The following PRSS55 variants were observed in gnomAD, a reference collection of about 807,000 sequenced individuals.
PRSS55 encodes the protein serine protease 55.
A neutral mutation model predicts 23.6 loss-of-function variants in PRSS55; 41 were observed. The observed-to-expected ratio is 1.74, with a 90% CI of 1.35 to 2.26. The LOEUF (loss-of-function observed/expected upper bound fraction) is 2.26, where lower values mean the gene tolerates loss of function less well. PRSS55 is among the 30% of genes most tolerant of loss of function. The pLI is 0.00. For synonymous variants in PRSS55, 262 were observed against 175.5 expected (o/e 1.49, Z -3.90); for missense variants, 669 against 439.1 (o/e 1.52, Z -4.68).
chr8:10,535,113 A>C (rs1028108224), intron 4 of PRSS55, among the ~76,000 whole-genome samples: 3 of 152,252 alleles, frequency 2.0e-5, no homozygotes, highest in Admixed American at 2.0e-4. Context: ...GATAGGAAGA[A>C]TCAATATCAT....
intron 4 of PRSS55, among the ~76,000 whole-genome samples, chr8:10,553,683 G>T (rs1812999949): frequency 6.6e-6 from 1 of 152,276 alleles, no homozygotes; most frequent in Admixed American, 6.5e-5. Context: ...CAGTTAGACA[G>T]GAGAAATAAA....
chr8:10,538,897 C>A (rs1047174643), downstream of PRSS55: 92 of 1,238,906 alleles, frequency 7.4e-5, no homozygotes, highest in Middle Eastern at 2.2e-4. Flanking sequence ...GAAATTGAGG[C>A]TGGGACCAGG....
chr8:10,547,812 G>A (rs1428181618), intron 4 of PRSS55, among the ~76,000 whole-genome samples: 1 of 149,362 alleles, frequency 6.7e-6, no homozygotes, highest in African/African-American at 2.5e-5. Context: ...TTTGCCGAGA[G>A]TCTTTTATGT....
At chr8:10,553,882 C>G (rs1325933810) in intron 4 of PRSS55, 2 of 1,125,016 alleles carry the variant, frequency 1.8e-6, no homozygotes, top group African/African-American at 3.2e-5. Context: ...ATCAAAGCAC[C>G]ACATTGTACA....
Position 10,538,523 on chromosome 8 carries a change from G to T in PRSS55, c.789G>T (p.Lys263Asn). ...TCTGCACCCCAGAGCCTGGTGAGAA[G>T]TGGTACCAGGTGGGCATCATAAGCT... ...PLVCTPEPGEKWYQVGIISWG... is the reference protein window; with the variant it reads ...PLVCTPEPGENWYQVGIISWG... Residue 263 changes from lysine to asparagine, a missense_variant, in exon 5 of 5, where the codon AAG becomes AAT. Lys to Asn is a moderately conservative substitution (Grantham distance 94). Transcript: ENST00000328655. 1 of 1,614,142 alleles carries T rather than the reference G, an allele frequency of 6.2e-7. No homozygotes were observed. Among genetic ancestry groups the T allele is most frequent in the Non-Finnish European group, 8.5e-7 (1 of 1,180,016 alleles).
At chr8:10,537,489 G>T (rs578016540) in intron 4 of PRSS55, among the ~76,000 whole-genome samples, 1 of 152,164 alleles carries the variant, frequency 6.6e-6, no homozygotes, top group Admixed American at 6.5e-5. Context: ...TCCAGTTAAG[G>T]AGCACGAAAA....
At chr8:10,551,974 T>C (rs1005320095) in intron 4 of PRSS55, among the ~76,000 whole-genome samples, 5 of 152,240 alleles carry the variant, frequency 3.3e-5, no homozygotes, top group African/African-American at 1.2e-4. Context: ...GTTTGGCTAA[T>C]AGCTCTACAG....
intron 4 of PRSS55, among the ~76,000 whole-genome samples, chr8:10,548,166 G>C (rs1340904655): frequency 2.0e-5 from 3 of 152,212 alleles, no homozygotes; most frequent in Admixed American, 2.0e-4. Context: ...GCTGGGGCGG[G>C]CTTTGGAGAG....
At position 10,531,298 on chromosome 8, in the gene PRSS55, A is replaced by G. The variant is rs2117022927; in HGVS notation, c.351A>G (p.Pro117=). The G allele has an allele frequency of 6.2e-7, 1 of 1,613,968 alleles. No individual in the cohort carries two copies. Among genetic ancestry groups the G allele is most frequent in the Non-Finnish European group, 8.5e-7 (1 of 1,179,932 alleles). ...CTCTCTGGTTCTCTGCCACCAGTCC[A>G]GAAGAACTGAGTGTCGTGCTGGGGA... ...AHCLYSEELF[P]EELSVVLGTN... The change falls in exon 3 of 5, where the codon CCA becomes CCG. Residue 117 remains proline, a synonymous_variant. Transcript: ENST00000328655.
chr8:10,545,746 T>C (rs1180597567), intron 4 of PRSS55, among the ~76,000 whole-genome samples: 1 of 152,204 alleles, frequency 6.6e-6, no homozygotes, highest in African/African-American at 2.4e-5. Context: ...GTGTTATTCA[T>C]TGTCTTGAGC....
intron 4 of PRSS55, among the ~76,000 whole-genome samples, chr8:10,538,057 G>C (rs886599642): frequency 6.6e-6 from 1 of 152,094 alleles, no homozygotes; most frequent in Admixed American, 6.5e-5. Flanking sequence ...ACACAAAGGA[G>C]ACCCAGTTCT....
chr8:10,532,475 G>A lies in PRSS55; in HGVS notation c.599-431G>A, dbSNP rs927457714. Among the ~76,000 whole-genome samples the A allele has an allele frequency of 3.9e-5, 6 of 152,268 alleles. No individual in the cohort carries two copies. The South Asian group carries it at 8.3e-4, about 21-fold the overall frequency. On this transcript the variant is annotated intron_variant, in intron 3 of 4. Transcript: ENST00000328655. ...CACTCTGCCAACCTGCCCTTGCTGA[G>A]GACCTAAAGTTTTTTCACCGGGAGT...
chr8:10,554,046 C>G (rs1381824301), exon 5 of PRSS55: 1 of 1,509,740 alleles, frequency 6.6e-7, no homozygotes, highest in South Asian at 1.3e-5. Context: ...TTTGCTCTTT[C>G]TTCTACATGG....
rs1309247070 is a variant in PRSS55 at position 10,529,652 on chromosome 8, G to C, written c.300G>C (p.Lys100Asn). The change falls in exon 2 of 5, where the codon AAG becomes AAC. Residue 100 changes from lysine to asparagine, a missense_variant. Lys to Asn is a moderately conservative substitution (Grantham distance 94). Transcript: ENST00000328655. ...EPFCGGSILN[K>N]WWILTAAHCL... ...TCTGTGGCGGCTCCATCCTCAACAA[G>C]TGGTGGATTCTCACTGCGGCTCACT... 3.1e-6 allele frequency: 5 copies of C among 1,614,182 alleles called. No homozygotes were observed. The highest frequency in any genetic ancestry group is 1.7e-5 in the Admixed American group (1 of 60,028).
In PRSS55 at chr8:10,551,806, G is replaced by A. The variant is rs149968713; in HGVS notation, c.742-2137G>A. 9.5e-4 allele frequency among the ~76,000 whole-genome samples: 145 copies of A among 152,290 alleles called. 4 individuals are homozygous for A. In the East Asian group the frequency reaches 0.026, roughly 28 times the overall value. The stretch of plus-strand genomic sequence containing the variant: ...TCCTCCCTCTCCTGTGTCAAGCCCC[G>A]TGCTGTCCTCACTGCAAAGCACCTC... On this transcript the variant is annotated intron_variant, in intron 4 of 4. Transcript: ENST00000522210.
At chr8:10,528,919 G>A (rs889634796) in intron 1 of PRSS55, among the ~76,000 whole-genome samples, 1 of 152,106 alleles carries the variant, frequency 6.6e-6, no homozygotes, top group Admixed American at 6.5e-5. Flanking sequence ...GCGTCTCTTT[G>A]CCTTTCCTCT....
chr8:10,550,989 A>T (rs964596467), intron 4 of PRSS55, among the ~76,000 whole-genome samples: 7 of 152,200 alleles, frequency 4.6e-5, no homozygotes, highest in Non-Finnish European at 1.5e-5. Flanking sequence ...GCTGACATGG[A>T]CCCAGGCTTC....
Position 10,531,609 on chromosome 8 carries a change from GC to G in PRSS55, c.598+65del. ...TGCAATGTGAAGGAGAGGGGAGGAAGCTAAGGAAGGAGTGAGGACAAGACTT... is the reference window on the plus strand; with the variant it reads ...TGCAATGTGAAGGAGAGGGGAGGAAGTAAGGAAGGAGTGAGGACAAGACTT... On this transcript the variant is annotated intron_variant, in intron 3 of 4. Transcript: ENST00000328655. The G allele has an allele frequency of 1.9e-6, 3 of 1,583,260 alleles. No individual in the cohort carries two copies. In the South Asian group the frequency reaches 3.4e-5, roughly 18 times the overall value.
chr8:10,529,365 G>A lies in PRSS55; in HGVS notation c.155-142G>A, dbSNP rs149130180. ...TGATGTCACAAGGGCTGCCCCGCTC[G>A]GCAGCCTCAGTGAGCTCCTCTCTAG... is the stretch of plus-strand genomic sequence containing the variant. On this transcript the variant is annotated intron_variant, in intron 1 of 4. Coordinates refer to ENST00000328655, the MANE Select transcript of PRSS55 (RefSeq NM_198464.4). 2.8e-4 allele frequency: 234 copies of A among 822,156 alleles called. 1 individual carries two copies. In the East Asian group the frequency reaches 5.2e-3, roughly 18 times the overall value. The allele number at this position is 822,156 out of a possible 1,614,324, so 50.9% of individuals were successfully genotyped here. A position where few individuals can be genotyped will look rare whatever the true frequency, so the allele number is the denominator to read the frequency against.
Sources: gnomAD v4.1 joint callset for allele counts (sites outside exome capture counted in the v4.1 genomes callset) on GRCh38, gnomAD v4.1.1 for gene constraint, MANE v1.5 for transcripts, NCBI Gene and HGNC (gene_info 2026-07-23, HGNC 2026-07-21) for gene names.